PDZD2: variants seen among roughly 807,000 people sequenced by gnomAD.
The protein encoded by PDZD2 is PDZ domain-containing protein 2.
A neutral mutation model predicts 220.7 loss-of-function variants in PDZD2; 90 were observed. The observed-to-expected ratio is 0.41, with a 90% CI of 0.34 to 0.49. The LOEUF (loss-of-function observed/expected upper bound fraction) is 0.49. PDZD2 is among the 20% of genes least tolerant of loss of function. The pLI is 0.28. For synonymous variants in PDZD2, 1,375 were observed against 1,450.5 expected, an observed-to-expected ratio of 0.95 and a Z score of 1.18; for missense variants, 3,174 against 3,608.5, an observed-to-expected ratio of 0.88 and a Z score of 3.08.
intron 2 of PDZD2, among the ~76,000 whole-genome samples, chr5:31,943,900 T>C (rs1291280031): frequency 6.6e-6 from 1 of 152,234 alleles, no homozygotes; most frequent in Non-Finnish European, 1.5e-5. Flanking sequence ...CAATAATGGA[T>C]GTAGGCAACA....
At chr5:31,654,124 A>G (rs1427291674) in intron 1 of PDZD2, among the ~76,000 whole-genome samples, 1 of 152,132 alleles carries the variant, frequency 6.6e-6, no homozygotes, top group Non-Finnish European at 1.5e-5. Context: ...ATGACCCCAT[A>G]GAGAAGTGGT....
At chr5:31,736,248 T>C (rs2150160685) in intron 1 of PDZD2, among the ~76,000 whole-genome samples, 1 of 152,334 alleles carries the variant, frequency 6.6e-6, no homozygotes. Context: ...ATTTTTGGCT[T>C]ATCTTCCTGT....
At chr5:31,767,006 G>C (rs939761448) in intron 1 of PDZD2, among the ~76,000 whole-genome samples, 2 of 147,574 alleles carry the variant, frequency 1.4e-5, no homozygotes, top group African/African-American at 5.1e-5. Flanking sequence ...GGGATTACAG[G>C]TGTGAGCAAC....
At position 32,048,618 on chromosome 5, in the gene PDZD2, G is replaced by A. The variant is rs1395374138; in HGVS notation, c.1599G>A (p.Leu533=). ...VRNGDPRIRM[L]EVSRDGRKHS... ...ATGGGGACCCCCGGATCCGGATGTTGGAGGTCTCCCGAGATGGCCGGAAAC... is the reference window on the plus strand; with the variant it reads ...ATGGGGACCCCCGGATCCGGATGTTAGAGGTCTCCCGAGATGGCCGGAAAC... Residue 533 remains leucine (L), a synonymous_variant, in exon 8 of 25, where the codon TTG becomes TTA. Coordinates refer to ENST00000438447, the MANE Select transcript of PDZD2 (RefSeq NM_178140.4). The A allele has an allele frequency of 8.1e-6, 13 of 1,614,038 alleles. No individual in the cohort carries two copies. Among genetic ancestry groups the A allele is most frequent in the Admixed American group, 1.7e-5 (1 of 60,000 alleles).
chr5:31,989,427 T>TTTTTTTTTTTTATTTTTATTTATTTA (rs1751025879), intron 3 of PDZD2, among the ~76,000 whole-genome samples: 17 of 144,762 alleles, frequency 1.2e-4, no homozygotes, highest in African/African-American at 4.6e-4. Context: ...TTTTCTTTTT[T>TTTTTTTTTTTTATTTTTATTTATTTA]TTTTTTTTTT....
Position 31,741,192 on chromosome 5 carries a change from TACACACAC to T in PDZD2, c.-360-57676_-360-57669del, listed in dbSNP as rs3032908. 1.6e-3 allele frequency among the ~76,000 whole-genome samples: 246 copies of T among 150,494 alleles called. 2 individuals carry two copies. Among genetic ancestry groups the T allele is most frequent in the African/African-American group, 5.2e-3 (215 of 41,086 alleles). ...TAGTCAGATCTTGTACAATAGTGTG[TACACACAC>T]ACACACACACACACACACACTTCAG... On this transcript the variant is annotated intron_variant, in intron 1 of 24. Transcript: ENST00000438447.
At chr5:32,033,330 C>T (rs1755267065) in intron 6 of PDZD2, among the ~76,000 whole-genome samples, 1 of 152,172 alleles carries the variant, frequency 6.6e-6, no homozygotes, top group Non-Finnish European at 1.5e-5. Context: ...ATTGCTACTT[C>T]CTGACATAAT....
intron 1 of PDZD2, among the ~76,000 whole-genome samples, chr5:31,763,085 C>T (rs780974451): frequency 3.3e-5 from 5 of 151,952 alleles, no homozygotes; most frequent in Non-Finnish European, 5.9e-5. Context: ...ATGCCTTTTT[C>T]GTTTGATTAA....
intron 2 of PDZD2, among the ~76,000 whole-genome samples, chr5:31,905,714 G>T (rs940933198): frequency 6.6e-6 from 1 of 152,198 alleles, no homozygotes; most frequent in Non-Finnish European, 1.5e-5. Context: ...ACCTTCTGAG[G>T]ATATGGATTT....
Position 31,662,551 on chromosome 5 carries a change from G to A in PDZD2, c.-361+23114G>A, listed in dbSNP as rs916446756. Among the ~76,000 whole-genome samples, 5 of 152,186 alleles carry A rather than the reference G, an allele frequency of 3.3e-5. No individual in the cohort carries two copies. The East Asian group carries it at 7.7e-4, about 23-fold the overall frequency. On this transcript the variant is annotated intron_variant, in intron 1 of 24. Coordinates refer to ENST00000438447, the MANE Select transcript of PDZD2 (RefSeq NM_178140.4). ...AAGGCACCAGCAGATTTGGAGTCTG[G>A]GATGGGTTTGCTCCCAGGCAGGGAT...
chr5:31,976,455 A>G (rs1332205163), intron 2 of PDZD2, among the ~76,000 whole-genome samples: 2 of 152,200 alleles, frequency 1.3e-5, no homozygotes, highest in African/African-American at 4.8e-5. Context: ...CAAGGTGACT[A>G]TTAGCAGCTA....
intron 3 of PDZD2, among the ~76,000 whole-genome samples, chr5:31,989,141 C>T (rs1193529991): frequency 2.0e-5 from 3 of 152,144 alleles, no homozygotes; most frequent in African/African-American, 7.2e-5. Context: ...TTTAACGTGC[C>T]CATCACCTGA....
At chr5:31,744,946 A>G (rs994546432) in intron 1 of PDZD2, among the ~76,000 whole-genome samples, 5 of 151,950 alleles carry the variant, frequency 3.3e-5, no homozygotes, top group African/African-American at 7.2e-5. Flanking sequence ...GGTGGTGGGC[A>G]CCTGTAATCC....
chr5:32,078,638 T>TAAAAAA (rs66500422), intron 19 of PDZD2, among the ~76,000 whole-genome samples: 96 of 104,918 alleles, frequency 9.2e-4, no homozygotes, highest in Middle Eastern at 6.1e-3. Flanking sequence ...TCTCAAAAAT[T>TAAAAAA]AAAAAAAAAA....
intron 2 of PDZD2, among the ~76,000 whole-genome samples, chr5:31,841,966 A>C (rs1757336684): frequency 1.3e-5 from 2 of 151,932 alleles, no homozygotes; most frequent in African/African-American, 4.8e-5. Context: ...GCAAGACTCC[A>C]TCTCAAAAAA....
chr5:31,681,436 C>A (rs559780283), intron 1 of PDZD2, among the ~76,000 whole-genome samples: 1 of 152,006 alleles, frequency 6.6e-6, no homozygotes, highest in Non-Finnish European at 1.5e-5. Context: ...TTAGTAGAGA[C>A]GAGGTTTCGC....
intron 1 of PDZD2, among the ~76,000 whole-genome samples, chr5:31,730,632 A>G (rs1488969013): frequency 1.3e-5 from 2 of 150,796 alleles, no homozygotes; most frequent in East Asian, 3.9e-4. Context: ...GGTGGAGGAG[A>G]AATCTCTACT....
At chr5:32,086,550 T>TTC (rs1480802728) in intron 19 of PDZD2, among the ~76,000 whole-genome samples, 9 of 152,160 alleles carry the variant, frequency 5.9e-5, no homozygotes, top group African/African-American at 2.2e-4. Flanking sequence ...CTAATCTGAG[T>TTC]TCTCTTAGAG....
At chr5:32,081,811 TC>T in intron 19 of PDZD2, among the ~76,000 whole-genome samples, 1 of 152,282 alleles carries the variant, frequency 6.6e-6, no homozygotes, top group East Asian at 1.9e-4. Flanking sequence ...ACGCTCTGCC[TC>T]CCAGGTTCAT....
Sources: gnomAD v4.1 joint callset for allele counts (sites outside exome capture counted in the v4.1 genomes callset) on GRCh38, gnomAD v4.1.1 for gene constraint, MANE v1.5 for transcripts, NCBI Gene and HGNC (gene_info 2026-07-23, HGNC 2026-07-21) for gene names.